PRKAR1A: variants seen among roughly 807,000 people sequenced by gnomAD.
PRKAR1A encodes the protein cAMP-dependent protein kinase type I-alpha regulatory subunit.
In PRKAR1A, 3 loss-of-function variants were observed where a neutral mutation model predicts 52.0. The observed-to-expected ratio is 0.06, with a 90% CI of 0.03 to 0.15. The LOEUF is 0.15. Ranked by LOEUF, PRKAR1A falls within the 10% of genes least tolerant of loss-of-function variation. The pLI is 1.00. For missense variants in PRKAR1A, 240 were observed against 477.4 expected (o/e 0.50, Z 4.63); for synonymous variants, 188 against 168.4 (o/e 1.12, Z -0.90).
the PRKAR1A span, among the ~76,000 whole-genome samples, chr17:68,506,745 G>A: frequency 6.6e-6 from 1 of 152,120 alleles, no homozygotes; most frequent in African/African-American, 2.4e-5. Context: ...GCCTCCCAAA[G>A]TGCTGAGATT....
At chr17:68,486,331 G>T in the PRKAR1A span, among the ~76,000 whole-genome samples, 1 of 151,504 alleles carries the variant, frequency 6.6e-6, no homozygotes, top group Non-Finnish European at 1.5e-5. Flanking sequence ...TTATCTTGGG[G>T]CTGCCTCTTC....
At chr17:68,501,416 C>G in the PRKAR1A span, among the ~76,000 whole-genome samples, 5 of 152,268 alleles carry the variant, frequency 3.3e-5, no homozygotes, top group African/African-American at 1.2e-4. Context: ...ACTCCTATGG[C>G]GTTATAATCA....
In PRKAR1A at chr17:68,531,113, AAAT is replaced by A; in HGVS notation, c.*666_*668del. 1 of 1,067,644 alleles carries A rather than the reference AAAT, an allele frequency of 9.4e-7. No individual in the cohort carries two copies. Among genetic ancestry groups the A allele is most frequent in the Non-Finnish European group, 1.1e-6 (1 of 880,582 alleles). The allele number at this position is 1,067,644 out of a possible 1,614,324, so 66.1% of individuals were successfully genotyped here. ...TATTAATGTTTCTTCTCCAATTCTG[AAAT>A]ACTTTTGAGTATGGCTATCTATACC... On this transcript the variant is annotated 3_prime_UTR_variant, in exon 11 of 11. Coordinates refer to ENST00000589228, the MANE Select transcript of PRKAR1A (RefSeq NM_002734.5).
At chr17:68,482,122 C>T in the PRKAR1A span, among the ~76,000 whole-genome samples, 3 of 152,182 alleles carry the variant, frequency 2.0e-5, no homozygotes, top group African/African-American at 4.8e-5. Context: ...GAGACGATGT[C>T]TCCAAGGAGA....
chr17:68,540,091 G>A, intron 11 of PRKAR1A: 1 of 787,936 alleles, frequency 1.3e-6, no homozygotes, highest in South Asian at 1.5e-5. Flanking sequence ...AACGAAGCTG[G>A]GCCTCACACT....
chr17:68,537,806 T>C, downstream of PRKAR1A: 9 of 1,538,212 alleles, frequency 5.9e-6, no homozygotes, highest in Non-Finnish European at 7.9e-6. The surrounding 1 kb of genome is among the most constrained non-coding windows in gnomAD (Gnocchi z 4.2). Context: ...CCTGAACTTC[T>C]TTCCCCACAA....
chr17:68,469,332 A>AG, the PRKAR1A span, among the ~76,000 whole-genome samples: 1 of 151,976 alleles, frequency 6.6e-6, no homozygotes, highest in Non-Finnish European at 1.5e-5. Flanking sequence ...TTCTACCCCC[A>AG]GGAGCTTTTT....
chr17:68,542,045 G>T, intron 11 of PRKAR1A: 1 of 1,614,144 alleles, frequency 6.2e-7, no homozygotes, highest in Admixed American at 1.7e-5. Context: ...CAGCCTGGGG[G>T]CCAGGTTGAG....
At chr17:68,518,861 T>A (rs1252669301) in intron 2 of PRKAR1A, among the ~76,000 whole-genome samples, 1 of 152,240 alleles carries the variant, frequency 6.6e-6, no homozygotes, top group Non-Finnish European at 1.5e-5. Context: ...GCTTAGAAAT[T>A]TCTTCCACCG....
the PRKAR1A span, among the ~76,000 whole-genome samples, chr17:68,480,512 A>G: frequency 1.3e-5 from 2 of 152,150 alleles, no homozygotes; most frequent in African/African-American, 4.8e-5. Flanking sequence ...TTAGTTTCTC[A>G]GGGGAAAACT....
chr17:68,533,509 T>G, downstream of PRKAR1A: 1 of 826,198 alleles, frequency 1.2e-6, no homozygotes, highest in Non-Finnish European at 1.5e-6. Flanking sequence ...TTTTTGTTTC[T>G]TTTATTTTTT....
chr17:68,440,378 C>T, the PRKAR1A span, among the ~76,000 whole-genome samples: 2 of 152,172 alleles, frequency 1.3e-5, no homozygotes, highest in South Asian at 4.1e-4. Context: ...CTGCCAGTCT[C>T]CTCTTTCTGT....
chr17:68,419,174 C>G, the PRKAR1A span, among the ~76,000 whole-genome samples: 1 of 152,106 alleles, frequency 6.6e-6, no homozygotes, highest in Non-Finnish European at 1.5e-5. Context: ...GACTCACCTG[C>G]CTTTCTACTT....
At chr17:68,519,925 A>T (rs2085552593) in intron 2 of PRKAR1A, among the ~76,000 whole-genome samples, 1 of 152,220 alleles carries the variant, frequency 6.6e-6, no homozygotes, top group South Asian at 2.1e-4. Flanking sequence ...AACTGAGAGA[A>T]ATTAAGTAAT....
chr17:68,470,280 C>T, the PRKAR1A span, among the ~76,000 whole-genome samples: 1 of 152,166 alleles, frequency 6.6e-6, no homozygotes, highest in Non-Finnish European at 1.5e-5. Flanking sequence ...CAGGGTTTCA[C>T]CACATTGGTC....
At chr17:68,525,292 T>TAA (rs397857487) in intron 6 of PRKAR1A, among the ~76,000 whole-genome samples, 35 of 122,006 alleles carry the variant, frequency 2.9e-4, no homozygotes, top group Non-Finnish European at 4.7e-4. Flanking sequence ...CCTCATCTCT[T>TAA]AAAAAAAAAA....
At chr17:68,539,781 G>A in intron 11 of PRKAR1A, 1 of 1,033,670 alleles carries the variant, frequency 9.7e-7, no homozygotes. Flanking sequence ...GCACGTGGTG[G>A]TGGAGGCCCT....
At chr17:68,457,560 CCCCG>C in the PRKAR1A span, 3 of 178,282 alleles carry the variant, frequency 1.7e-5, no homozygotes, top group African/African-American at 4.3e-4. Flanking sequence ...CCCTACCCCG[CCCCG>C]TCCCCACCCC....
chr17:68,500,334 C>T, the PRKAR1A span, among the ~76,000 whole-genome samples: 11 of 152,120 alleles, frequency 7.2e-5, no homozygotes, highest in Non-Finnish European at 1.3e-4. Context: ...ATAAGTCTCA[C>T]GAGATCTGAT....
Sources: allele counts gnomAD v4.1 joint callset (sites outside exome capture counted in the v4.1 genomes callset), GRCh38; gene constraint gnomAD v4.1.1; non-coding constraint Gnocchi (gnomAD v3.1); transcripts MANE v1.5; gene names NCBI Gene and HGNC (gene_info 2026-07-23, HGNC 2026-07-21).